Variants in ANKRD30A observed in about 807,000 individuals in gnomAD.
ANKRD30A encodes the protein ankyrin repeat domain-containing protein 30A.
In ANKRD30A, 170 loss-of-function variants were observed where a neutral mutation model predicts 166.3. That is an observed-to-expected ratio of 1.02 (90% confidence interval 0.90 to 1.16). The LOEUF (loss-of-function observed/expected upper bound fraction) is 1.16, where lower values mean the gene tolerates loss of function less well. ANKRD30A is among the 50% of genes most tolerant of loss of function. ANKRD30A has a pLI of 0.00. For synonymous variants in ANKRD30A, 564 were observed against 508.9 expected, an observed-to-expected ratio of 1.11 and a Z score of -1.46; for missense variants, 1,630 against 1,518.0, an observed-to-expected ratio of 1.07 and a Z score of -1.23.
intron 9 of ANKRD30A, among the ~76,000 whole-genome samples, chr10:37,148,582 G>T (rs1213438028): frequency 1.3e-5 from 2 of 151,960 alleles, no homozygotes; most frequent in Non-Finnish European, 2.9e-5. Flanking sequence ...CAGTGAACTC[G>T]CTTCAGATGT....
At chr10:37,191,029 T>G (rs1840521080) in intron 25 of ANKRD30A, among the ~76,000 whole-genome samples, 1 of 151,918 alleles carries the variant, frequency 6.6e-6, no homozygotes, top group Non-Finnish European at 1.5e-5. Flanking sequence ...ATTTATGACT[T>G]GAATACCTAA....
Position 37,231,568 on chromosome 10 carries a change from A to G in ANKRD30A, c.*99A>G. The G allele has an allele frequency of 1.1e-6, 1 of 927,860 alleles. No individual in the cohort carries two copies. The highest frequency in any genetic ancestry group is 1.6e-6 in the Non-Finnish European group (1 of 630,608). The allele number at this position is 927,860 out of a possible 1,614,324, so 57.5% of individuals were successfully genotyped here. On this transcript the variant is annotated 3_prime_UTR_variant, in exon 35 of 36. Transcript: ENST00000361713. Reference sequence around the variant, plus strand: ...CAGTCCTAGCATCACCTTATGTTGAAAATCTTACCAATAGTCTGTGTCAAC... The same window carrying G: ...CAGTCCTAGCATCACCTTATGTTGAGAATCTTACCAATAGTCTGTGTCAAC...
At chr10:37,205,948 G>A (rs1454573026) in intron 31 of ANKRD30A, among the ~76,000 whole-genome samples, 1 of 152,136 alleles carries the variant, frequency 6.6e-6, no homozygotes, top group Non-Finnish European at 1.5e-5. Flanking sequence ...TGGATAGAAT[G>A]TCAAGACATA....
intron 31 of ANKRD30A, among the ~76,000 whole-genome samples, chr10:37,208,727 T>C (rs943893481): frequency 6.6e-6 from 1 of 152,080 alleles, no homozygotes; most frequent in African/African-American, 2.4e-5. Context: ...CAGAAACAAA[T>C]TGCATTCTTC....
chr10:37,262,861 TATC>T, the ANKRD30A span, among the ~76,000 whole-genome samples: 3 of 152,162 alleles, frequency 2.0e-5, no homozygotes, highest in Non-Finnish European at 2.9e-5. Flanking sequence ...TCCATAATTT[TATC>T]ATCAAGAGAC....
At chr10:37,212,216 A>G (rs1842369881) in intron 31 of ANKRD30A, among the ~76,000 whole-genome samples, 1 of 152,056 alleles carries the variant, frequency 6.6e-6, no homozygotes, top group African/African-American at 2.4e-5. Context: ...GCATTGTTAT[A>G]CACCAATAAC....
chr10:37,137,074 T>C (rs1836749034), intron 6 of ANKRD30A, among the ~76,000 whole-genome samples: 2 of 151,946 alleles, frequency 1.3e-5, no homozygotes, highest in Admixed American at 1.3e-4. Flanking sequence ...GTATAACCCT[T>C]GGGGTGATTG....
chr10:37,220,594 A>G (rs949795658), intron 34 of ANKRD30A, among the ~76,000 whole-genome samples: 9 of 151,256 alleles, frequency 6.0e-5, no homozygotes, highest in African/African-American at 2.2e-4. Context: ...GAATTTTAGC[A>G]ATATCAAATT....
the ANKRD30A span, among the ~76,000 whole-genome samples, chr10:37,238,847 C>A: frequency 2.0e-5 from 3 of 152,004 alleles, no homozygotes; most frequent in Non-Finnish European, 2.9e-5. Flanking sequence ...TGAGTTATTT[C>A]CTTTACAAGA....
intron 3 of ANKRD30A, 144 bp downstream of exon 3, chr10:37,130,522 T>C (rs1836320920): frequency 1.7e-6 from 1 of 577,490 alleles, no homozygotes; most frequent in Non-Finnish European, 2.6e-6. Context: ...AAGATTTTAC[T>C]TTAAATATTA....
At chr10:37,256,516 TATA>T in the ANKRD30A span, among the ~76,000 whole-genome samples, 1 of 152,218 alleles carries the variant, frequency 6.6e-6, no homozygotes, top group South Asian at 2.1e-4. Flanking sequence ...CTGCAAGCTC[TATA>T]AAGACAGACC....
At chr10:37,253,390 G>T in the ANKRD30A span, among the ~76,000 whole-genome samples, 5 of 152,138 alleles carry the variant, frequency 3.3e-5, no homozygotes, top group Non-Finnish European at 7.4e-5. Flanking sequence ...CAATTGTATA[G>T]TTTTTTAAAC....
chr10:37,204,620 G>A (rs1588919944), intron 31 of ANKRD30A, among the ~76,000 whole-genome samples: 1 of 152,100 alleles, frequency 6.6e-6, no homozygotes, highest in South Asian at 2.1e-4. Flanking sequence ...TGACAAATGG[G>A]ATCTAATTAA....
intron 31 of ANKRD30A, among the ~76,000 whole-genome samples, chr10:37,212,963 C>T (rs940187939): frequency 1.3e-5 from 2 of 151,746 alleles, no homozygotes; most frequent in Non-Finnish European, 2.9e-5. Context: ...TTTTAAGTAT[C>T]TGTAGAATCT....
At chr10:37,156,908 C>A (rs1838425662) in intron 13 of ANKRD30A, among the ~76,000 whole-genome samples, 1 of 152,096 alleles carries the variant, frequency 6.6e-6, no homozygotes, top group East Asian at 1.9e-4. Context: ...TATGGTCATG[C>A]ATATTTAGCC....
chr10:37,207,558 A>G (rs569716202), intron 31 of ANKRD30A, among the ~76,000 whole-genome samples: 2 of 151,622 alleles, frequency 1.3e-5, no homozygotes, highest in South Asian at 4.2e-4. Flanking sequence ...GACTCTGCAC[A>G]CTTTTGATAT....
intron 6 of ANKRD30A, among the ~76,000 whole-genome samples, chr10:37,138,756 G>T (rs879538768): frequency 1.3e-5 from 2 of 152,326 alleles, no homozygotes; most frequent in Non-Finnish European, 2.9e-5. Flanking sequence ...TCTGATTGGT[G>T]TACCTGAAAG....
At chr10:37,265,860 T>C in the ANKRD30A span, among the ~76,000 whole-genome samples, 207 of 152,336 alleles carry the variant, frequency 1.4e-3, 1 homozygote, top group African/African-American at 4.9e-3. Context: ...TCACTTACTC[T>C]GCGGAAGTAA....
intron 1 of ANKRD30A, among the ~76,000 whole-genome samples, chr10:37,128,643 A>C (rs1280728989): frequency 2.0e-5 from 3 of 152,080 alleles, no homozygotes; most frequent in Admixed American, 6.6e-5. Context: ...CATTCTTTTA[A>C]TCCATTTACC....
Sources: allele counts gnomAD v4.1 joint callset (sites outside exome capture counted in the v4.1 genomes callset), GRCh38; gene constraint gnomAD v4.1.1; transcripts MANE v1.5; gene names NCBI Gene and HGNC (gene_info 2026-07-23, HGNC 2026-07-21).